Variants in ATXN1 observed in about 807,000 individuals in gnomAD.
ATXN1 encodes the protein ataxin 1.
Under a neutral mutation model 56.4 loss-of-function variants are expected in ATXN1, and 8 were observed. That is an observed-to-expected ratio of 0.14 (90% CI 0.08 to 0.26). The LOEUF is 0.26. ATXN1 is among the 10% of genes least tolerant of loss of function. ATXN1 has a pLI of 1.00. For missense variants in ATXN1, 987 were observed against 1,106.5 expected (o/e 0.89, Z 1.53); for synonymous variants, 514 against 494.6 (o/e 1.04, Z -0.52).
intron 6 of ATXN1, among the ~76,000 whole-genome samples, chr6:16,338,441 C>T (rs962654686): frequency 5.3e-5 from 8 of 151,782 alleles, no homozygotes; most frequent in South Asian, 2.1e-4. Context: ...TGCAGTGAGC[C>T]GAGATCACAC....
chr6:16,382,582 A>G, intron 6 of ATXN1, among the ~76,000 whole-genome samples: 1 of 152,198 alleles, frequency 6.6e-6, no homozygotes, highest in Non-Finnish European at 1.5e-5. Flanking sequence ...AGGAATATTT[A>G]AACTATTTTT....
intron 4 of ATXN1, among the ~76,000 whole-genome samples, chr6:16,549,630 G>A (rs990062018): frequency 2.6e-5 from 4 of 152,162 alleles, no homozygotes; most frequent in Non-Finnish European, 4.4e-5. Flanking sequence ...AGGTGCAGCG[G>A]CTTACGCCTG....
rs979247783 is a variant in ATXN1 at position 16,585,848 on chromosome 6, G to T, written c.-429C>A. Reference sequence around the variant, plus strand: ...AGTTCCTTGCAGCAGATCTTTTCACGAAGATTTTGCTTGAGTAGAAAGGGT... The same window carrying T: ...AGTTCCTTGCAGCAGATCTTTTCACTAAGATTTTGCTTGAGTAGAAAGGGT... On this transcript the variant is annotated 5_prime_UTR_variant, in exon 4 of 8. Coordinates refer to ENST00000436367, the MANE Select transcript of ATXN1 (RefSeq NM_001128164.2). 3 of 152,118 alleles carry T rather than the reference G, an allele frequency of 2.0e-5. No individual in the cohort carries two copies. Among genetic ancestry groups the T allele is most frequent in the African/African-American group, 7.2e-5 (3 of 41,408 alleles). The allele number at this position is 152,118 out of a possible 1,614,324, so 9.4% of individuals were successfully genotyped here. A position where few individuals can be genotyped will look rare whatever the true frequency, so the allele number is the denominator to read the frequency against.
At chr6:16,635,456 G>T (rs144565843) in intron 3 of ATXN1, among the ~76,000 whole-genome samples, 1 of 152,148 alleles carries the variant, frequency 6.6e-6, no homozygotes, top group Non-Finnish European at 1.5e-5. Flanking sequence ...TGCCAAAAAG[G>T]TTAGGGACCA....
chr6:16,732,952 T>G (rs1760024552), intron 2 of ATXN1, among the ~76,000 whole-genome samples: 1 of 152,326 alleles, frequency 6.6e-6, no homozygotes, highest in East Asian at 1.9e-4. Flanking sequence ...CTTGAAAAAC[T>G]TCCATGGATG....
intron 7 of ATXN1, among the ~76,000 whole-genome samples, chr6:16,323,341 A>G (rs184745022): frequency 6.6e-6 from 1 of 152,128 alleles, no homozygotes; most frequent in African/African-American, 2.4e-5. Context: ...CAACATGGTG[A>G]AACCCTGTCT....
At chr6:16,619,354 T>A (rs1313932858) in intron 3 of ATXN1, among the ~76,000 whole-genome samples, 1 of 152,204 alleles carries the variant, frequency 6.6e-6, no homozygotes, top group Non-Finnish European at 1.5e-5. Context: ...CAGCACAGCA[T>A]CACTAAACGA....
intron 3 of ATXN1, among the ~76,000 whole-genome samples, chr6:16,644,372 GGGCGT>G (rs1298670334): frequency 1.3e-5 from 2 of 152,150 alleles, no homozygotes; most frequent in Non-Finnish European, 2.9e-5. Context: ...AAAATTCCCT[GGGCGT>G]GGCGGCATGC....
chr6:16,395,437 A>G (rs770225823), intron 6 of ATXN1, among the ~76,000 whole-genome samples: 9 of 152,146 alleles, frequency 5.9e-5, no homozygotes, highest in Non-Finnish European at 1.3e-4. Context: ...CGCGGATTGC[A>G]TATGTGACAG....
rs945412623 is a variant in ATXN1 at position 16,522,626 on chromosome 6, C to G, written c.-299+1G>C. The G allele has an allele frequency of 6.6e-6, 1 of 152,080 alleles. No homozygotes were observed. The highest frequency in any genetic ancestry group is 1.5e-5 in the Non-Finnish European group (1 of 68,030). 9.4% of individuals were successfully genotyped at this position (152,080 alleles called of 1,614,324 possible). On this transcript the variant is annotated splice_donor_variant, in intron 5 of 7. Transcript: ENST00000436367. LOFTEE classifies it low-confidence loss of function (5UTR_SPLICE). ...CATGAAAGATTCAAAGGATCACTCA[C>G]CCTATGAAAACAGCACGTCGATTTC...
In ATXN1 at chr6:16,475,300, ATG is replaced by A; in HGVS notation, c.-161+10670_-161+10671del. ...CGAATTCACTGTCAGTGTAATGACA[ATG>A]ACAGTTAATGACAACTCCTATTATA... On this transcript the variant is annotated intron_variant, in intron 6 of 7. Transcript: ENST00000436367. Among the ~76,000 whole-genome samples, 6 of 152,328 alleles carry A rather than the reference ATG, an allele frequency of 3.9e-5. 1 individual carries two copies. In the South Asian group the frequency reaches 1.2e-3, roughly 32 times the overall value.
intron 6 of ATXN1, among the ~76,000 whole-genome samples, chr6:16,467,022 C>T (rs894719664): frequency 2.6e-5 from 4 of 152,192 alleles, no homozygotes; most frequent in African/African-American, 9.6e-5. Context: ...ACATAAATGA[C>T]TTCAACAGCC....
intron 4 of ATXN1, among the ~76,000 whole-genome samples, chr6:16,560,801 T>C (rs1421114294): frequency 6.6e-6 from 1 of 152,236 alleles, no homozygotes; most frequent in Non-Finnish European, 1.5e-5. Flanking sequence ...CCCCCAATTA[T>C]GACCATTTTT....
intron 6 of ATXN1, among the ~76,000 whole-genome samples, chr6:16,455,841 A>T (rs777235092): frequency 3.9e-5 from 6 of 152,196 alleles, no homozygotes; most frequent in Non-Finnish European, 8.8e-5. Flanking sequence ...GTCTTATAAG[A>T]GGTTTGTAAA....
In ATXN1 at chr6:16,326,576, T is replaced by C; in HGVS notation, c.1735A>G (p.Ile579Val). 2 of 1,614,162 alleles carry C rather than the reference T, an allele frequency of 1.2e-6. No individual in the cohort carries two copies. The highest frequency in any genetic ancestry group is 8.5e-7 in the Non-Finnish European group (1 of 1,180,028). ...AGCTCCCCGTTGGCCAACTGGATGA[T>C]GGAGCCTTTCATGAAGTAGGGAGGC... is the stretch of plus-strand genomic sequence containing the variant. ...TLPPYFMKGS[I>V]IQLANGELKK... The change falls in exon 7 of 8, where the codon ATC becomes GTC. Residue 579 changes from isoleucine (I) to valine (V), a missense_variant. Coordinates refer to ENST00000436367, the MANE Select transcript of ATXN1 (RefSeq NM_001128164.2). The surrounding 1 kb of genome is among the most constrained non-coding windows in gnomAD (Gnocchi z 6.6).
intron 3 of ATXN1, among the ~76,000 whole-genome samples, chr6:16,607,080 G>T (rs1258346952): frequency 6.6e-6 from 1 of 150,768 alleles, no homozygotes; most frequent in Non-Finnish European, 1.5e-5. Flanking sequence ...TAGAGATGGG[G>T]TTTCACCAGT....
At chr6:16,639,748 T>C (rs12198838) in intron 3 of ATXN1, among the ~76,000 whole-genome samples, 36,624 of 152,210 alleles carry the variant, frequency 0.24, 5,163 homozygotes, top group Non-Finnish European at 0.33. Context: ...CTACTTTTAA[T>C]TGTGGCTCAT....
chr6:16,732,060 A>G (rs1150638), intron 2 of ATXN1, among the ~76,000 whole-genome samples: 99,075 of 152,038 alleles, frequency 0.65, 32,782 homozygotes, highest in East Asian at 0.85. Context: ...ATATTTTTAT[A>G]GCATGTTTTT....
chr6:16,572,489 G>A (rs721010), intron 4 of ATXN1, among the ~76,000 whole-genome samples: 70,851 of 151,974 alleles, frequency 0.47, 18,903 homozygotes, highest in East Asian at 0.73. Context: ...GACTGACTCT[G>A]TGAGGGCTAA....
Sources: allele counts gnomAD v4.1 joint callset (sites outside exome capture counted in the v4.1 genomes callset), GRCh38; gene constraint gnomAD v4.1.1; non-coding constraint Gnocchi (gnomAD v3.1); transcripts MANE v1.5; gene names NCBI Gene and HGNC (gene_info 2026-07-23, HGNC 2026-07-21).